PAX7: variants seen among roughly 807,000 people sequenced by gnomAD.
PAX7 encodes the protein paired box 7, also known as paired box protein Pax-7.
A neutral mutation model predicts 50.7 loss-of-function variants in PAX7; 18 were observed. The ratio of observed to expected loss-of-function variants is 0.36; its 90% CI spans 0.25 to 0.53. PAX7 has a LOEUF of 0.53. Ranked by LOEUF, PAX7 falls within the 20% of genes least tolerant of loss-of-function variation. The pLI is 0.93. For missense variants in PAX7, 644 were observed against 702.9 expected (o/e 0.92, Z 0.95); for synonymous variants, 310 against 290.4 (o/e 1.07, Z -0.69).
chr1:18,716,891 T>C (rs2089431175), intron 7 of PAX7, among the ~76,000 whole-genome samples: 1 of 151,160 alleles, frequency 6.6e-6, no homozygotes, highest in Non-Finnish European at 1.5e-5. Context: ...CCTTTCCGAA[T>C]TCCTCCGCTG....
chr1:18,660,328 C>T (rs909495195), intron 4 of PAX7, among the ~76,000 whole-genome samples: 1 of 152,182 alleles, frequency 6.6e-6, no homozygotes, highest in South Asian at 2.1e-4. Context: ...GCCTCTGACA[C>T]ACGCCACATT....
intron 7 of PAX7, among the ~76,000 whole-genome samples, chr1:18,721,149 C>A (rs1041939278): frequency 3.3e-5 from 5 of 152,166 alleles, no homozygotes; most frequent in Admixed American, 6.5e-5. Flanking sequence ...TGGCGAGGAC[C>A]TTTTCCCATG....
intron 4 of PAX7, among the ~76,000 whole-genome samples, chr1:18,682,728 G>C (rs558227551): frequency 6.6e-6 from 1 of 152,224 alleles, no homozygotes; most frequent in Non-Finnish European, 1.5e-5. Flanking sequence ...GGACTCCCCA[G>C]ATGTGCTGTG....
intron 6 of PAX7, among the ~76,000 whole-genome samples, chr1:18,701,285 G>A (rs2089216464): frequency 6.6e-6 from 1 of 152,196 alleles, no homozygotes; most frequent in African/African-American, 2.4e-5. Flanking sequence ...AGTTTTTAAA[G>A]TGAGAGAGTG....
chr1:18,671,486 G>A (rs911380767), intron 4 of PAX7, among the ~76,000 whole-genome samples: 1 of 152,222 alleles, frequency 6.6e-6, no homozygotes, highest in African/African-American at 2.4e-5. Context: ...GAAAGCCAGA[G>A]GTTGGGGCTG....
At chr1:18,713,100 G>T (rs1006172049) in intron 7 of PAX7, among the ~76,000 whole-genome samples, 19 of 151,986 alleles carry the variant, frequency 1.3e-4, no homozygotes, top group Non-Finnish European at 2.2e-4. Context: ...AAAGGGGAGG[G>T]GCACTCTGGG....
At chr1:18,691,990 A>G in intron 5 of PAX7, 37 bp downstream of exon 5, 5 of 1,583,702 alleles carry the variant, frequency 3.2e-6, no homozygotes, top group South Asian at 2.3e-5. Context: ...CTGCAGATAT[A>G]CTCCAGAGAT....
intron 4 of PAX7, among the ~76,000 whole-genome samples, chr1:18,641,701 C>G (rs1416712754): frequency 6.6e-6 from 1 of 152,132 alleles, no homozygotes; most frequent in Non-Finnish European, 1.5e-5. Context: ...ATTGAAAAGA[C>G]GAGGCTGGGG....
Position 18,746,349 on chromosome 1 carries a change from GCAC to G in PAX7, c.*1422_*1424del. 4.3e-6 allele frequency: 1 copy of G among 230,536 alleles called. No homozygotes were observed. Among genetic ancestry groups the G allele is most frequent in the East Asian group, 6.2e-5 (1 of 16,226 alleles). 14.3% of individuals were successfully genotyped at this position (230,536 alleles called of 1,614,324 possible). Reference sequence around the variant, plus strand: ...AACAATTCCAGAGCAGAGGGAAGAGGCACCTTCCTTGACCACACCAGTGGCCTC... The same window carrying G: ...AACAATTCCAGAGCAGAGGGAAGAGGCTTCCTTGACCACACCAGTGGCCTC... On this transcript the variant is annotated 3_prime_UTR_variant, in exon 9 of 9. Transcript: ENST00000420770.
intron 8 of PAX7, among the ~76,000 whole-genome samples, chr1:18,739,395 C>T (rs958899489): frequency 2.6e-5 from 4 of 152,200 alleles, no homozygotes; most frequent in African/African-American, 9.7e-5. Flanking sequence ...TGAGTGTTCA[C>T]TAATGTGTGT....
At position 18,735,090 on chromosome 1, in the gene PAX7, C is replaced by T. The variant is rs758181952; in HGVS notation, c.1156-542C>T. On this transcript the variant is annotated intron_variant, in intron 7 of 8. Transcript: ENST00000420770. This position sits in a 1 kb window ranked among gnomAD's most constrained non-coding sequence, Gnocchi z 4.0. ...AAGCATTGGCTGTGGGCTTCAGTGT[C>T]GAAGGGGCAGGAACCTCAGAGTCCG... Among the ~76,000 whole-genome samples, 1 of 152,130 alleles carries T rather than the reference C, an allele frequency of 6.6e-6. No homozygotes were observed. The highest frequency in any genetic ancestry group is 1.5e-5 in the Non-Finnish European group (1 of 68,030).
In PAX7 at chr1:18,747,622, T is replaced by G. The variant is rs1291743965; in HGVS notation, c.*2693T>G. On this transcript the variant is annotated 3_prime_UTR_variant, in exon 9 of 9. Transcript: ENST00000420770. ...GGTCTGGGTTCCAGTGGCCAGGCCGTCCCAGAAACAACCCCCATCCATCCC... is the reference window on the plus strand; with the variant it reads ...GGTCTGGGTTCCAGTGGCCAGGCCGGCCCAGAAACAACCCCCATCCATCCC... 2 of 210,566 alleles carry G rather than the reference T, an allele frequency of 9.5e-6. No homozygotes were observed. Among genetic ancestry groups the G allele is most frequent in the Admixed American group, 5.9e-5 (1 of 17,008 alleles). 13.0% of individuals were successfully genotyped at this position (210,566 alleles called of 1,614,324 possible).
intron 5 of PAX7, among the ~76,000 whole-genome samples, chr1:18,699,718 G>T (rs1471525841): frequency 6.6e-6 from 1 of 152,028 alleles, no homozygotes; most frequent in Non-Finnish European, 1.5e-5. Flanking sequence ...CCACCACCAT[G>T]CCCGGCTAAT....
rs1570255068 is a variant in PAX7, at chr1:18,745,624, A to C, written c.*695A>C. The C allele has an allele frequency of 4.3e-6, 1 of 230,460 alleles. No individual in the cohort carries two copies. The allele number at this position is 230,460 out of a possible 1,614,324, so 14.3% of individuals were successfully genotyped here. On this transcript the variant is annotated 3_prime_UTR_variant, in exon 9 of 9. Transcript: ENST00000420770. The stretch of plus-strand genomic sequence containing the variant: ...ACTGGGGAGACCAGGAAGAGGCTTA[A>C]CCAGAGGGTAGGGGCACATGGGGGT...
At chr1:18,684,522 C>T (rs1018891462) in intron 4 of PAX7, among the ~76,000 whole-genome samples, 2 of 152,198 alleles carry the variant, frequency 1.3e-5, no homozygotes, top group Non-Finnish European at 2.9e-5. Flanking sequence ...GTACACCGTG[C>T]GCTGGTTACA....
chr1:18,724,799 A>G (rs1423639125), intron 7 of PAX7, among the ~76,000 whole-genome samples: 1 of 152,184 alleles, frequency 6.6e-6, no homozygotes, highest in Non-Finnish European at 1.5e-5. Flanking sequence ...TTCATATTTC[A>G]TTGAATCTAA....
At chr1:18,721,399 T>A (rs1277602099) in intron 7 of PAX7, among the ~76,000 whole-genome samples, 1 of 152,194 alleles carries the variant, frequency 6.6e-6, no homozygotes, top group Non-Finnish European at 1.5e-5. Flanking sequence ...GCGCAGGGAC[T>A]GAGCTTCCCG....
At chr1:18,671,580 C>T (rs2088750408) in intron 4 of PAX7, among the ~76,000 whole-genome samples, 1 of 151,964 alleles carries the variant, frequency 6.6e-6, no homozygotes, top group Non-Finnish European at 1.5e-5. Flanking sequence ...GACATATTCC[C>T]TCCCAGCATC....
intron 4 of PAX7, among the ~76,000 whole-genome samples, chr1:18,655,348 A>G (rs2100465471): frequency 6.6e-6 from 1 of 152,308 alleles, no homozygotes; most frequent in Middle Eastern, 3.4e-3. Flanking sequence ...CAATATGCAA[A>G]CAAGTGCCAA....
Sources: gnomAD v4.1 joint callset for allele counts (sites outside exome capture counted in the v4.1 genomes callset) on GRCh38, gnomAD v4.1.1 for gene constraint, Gnocchi (gnomAD v3.1) non-coding constraint, MANE v1.5 for transcripts, NCBI Gene and HGNC (gene_info 2026-07-23, HGNC 2026-07-21) for gene names.